Variants in PCDHAC1 observed in about 807,000 individuals in gnomAD.
PCDHAC1 encodes the protein protocadherin alpha subfamily C, 1.
Under a neutral mutation model 60.0 loss-of-function variants are expected in PCDHAC1, and 42 were observed. The observed-to-expected ratio is 0.70, with a 90% CI of 0.55 to 0.90. PCDHAC1 has a LOEUF of 0.90. Among genes scored for constraint, PCDHAC1 ranks in the 40% least tolerant of loss-of-function variants. The probability of loss-of-function intolerance (pLI) is 0.00; values close to 1 mark genes in which losing one functional copy is unlikely to be tolerated. For synonymous variants in PCDHAC1, 468 were observed against 499.3 expected, an observed-to-expected ratio of 0.94 and a Z score of 0.84; for missense variants, 1,160 against 1,222.3, an observed-to-expected ratio of 0.95 and a Z score of 0.76.
At chr5:140,978,739 T>C (rs2096820890) in intron 1 of PCDHAC1, among the ~76,000 whole-genome samples, 1 of 152,252 alleles carries the variant, frequency 6.6e-6, no homozygotes, top group Non-Finnish European at 1.5e-5. Context: ...TCTTCCAGGG[T>C]ATCTAATCTG....
chr5:140,934,523 C>T (rs782685676), intron 1 of PCDHAC1, among the ~76,000 whole-genome samples: 15 of 152,236 alleles, frequency 9.9e-5, no homozygotes, highest in South Asian at 8.3e-4. Context: ...GACCACACTT[C>T]GAGAGCTACC....
intron 1 of PCDHAC1, among the ~76,000 whole-genome samples, chr5:140,973,261 C>G (rs1162687249): frequency 6.6e-6 from 1 of 152,156 alleles, no homozygotes; most frequent in African/African-American, 2.4e-5. Flanking sequence ...TCAGTGGCAC[C>G]TACTTTTATT....
chr5:140,961,326 G>T (rs1450202899), intron 1 of PCDHAC1, among the ~76,000 whole-genome samples: 1 of 152,154 alleles, frequency 6.6e-6, no homozygotes, highest in Admixed American at 6.5e-5. Flanking sequence ...TCTGTTTCTT[G>T]AGAGACCAAG....
At chr5:140,971,207 A>C (rs2096463327) in intron 1 of PCDHAC1, among the ~76,000 whole-genome samples, 1 of 152,050 alleles carries the variant, frequency 6.6e-6, no homozygotes, top group South Asian at 2.1e-4. Flanking sequence ...AGACACTGTT[A>C]CCCTCCCTCT....
At chr5:140,941,950 A>C (rs2093203816) in intron 1 of PCDHAC1, among the ~76,000 whole-genome samples, 1 of 152,172 alleles carries the variant, frequency 6.6e-6, no homozygotes, top group Admixed American at 6.5e-5. Context: ...TTTGTTTTGA[A>C]AACAATAGTA....
chr5:140,981,625 C>T (rs1554243036), intron 2 of PCDHAC1, among the ~76,000 whole-genome samples: 2 of 152,096 alleles, frequency 1.3e-5, no homozygotes, highest in Non-Finnish European at 2.9e-5. Context: ...TGAGGGTTTT[C>T]TTGGACATTT....
chr5:141,011,190 T>C lies in PCDHAC1; in HGVS notation c.*1253T>C, dbSNP rs1321258440. On this transcript the variant is annotated 3_prime_UTR_variant, in exon 4 of 4. Coordinates refer to ENST00000253807, the MANE Select transcript of PCDHAC1 (RefSeq NM_018898.5). Reference sequence around the variant, plus strand: ...AAGACCCAAAAATTGAAGAAAAATATTGTTTTCTCATACAGTGAGCAGATT... The same window carrying C: ...AAGACCCAAAAATTGAAGAAAAATACTGTTTTCTCATACAGTGAGCAGATT... The C allele has an allele frequency of 1.3e-5, 2 of 153,748 alleles. No individual in the cohort carries two copies. The highest frequency in any genetic ancestry group is 1.9e-4 in the East Asian group (1 of 5,200). The allele number at this position is 153,748 out of a possible 1,614,324, so 9.5% of individuals were successfully genotyped here. A position where few individuals can be genotyped will look rare whatever the true frequency, so the allele number is the denominator to read the frequency against.
At chr5:140,987,444 C>G (rs2097254283) in intron 3 of PCDHAC1, among the ~76,000 whole-genome samples, 1 of 151,998 alleles carries the variant, frequency 6.6e-6, no homozygotes, top group African/African-American at 2.4e-5. Flanking sequence ...TCCCCATGCC[C>G]GAGAGATAAT....
chr5:140,932,952 T>G (rs2088746376), intron 1 of PCDHAC1, among the ~76,000 whole-genome samples: 1 of 152,008 alleles, frequency 6.6e-6, no homozygotes, highest in Non-Finnish European at 1.5e-5. Flanking sequence ...GAAGGTGGAC[T>G]AAATTGCTGA....
chr5:140,987,043 A>G (rs1406153632), intron 3 of PCDHAC1, among the ~76,000 whole-genome samples: 5 of 151,912 alleles, frequency 3.3e-5, no homozygotes, highest in Non-Finnish European at 7.4e-5. Flanking sequence ...GCGAAACCCC[A>G]TCTCTACTAA....
chr5:140,951,503 A>G (rs1554219922), intron 1 of PCDHAC1, among the ~76,000 whole-genome samples: 1 of 151,992 alleles, frequency 6.6e-6, no homozygotes, highest in African/African-American at 2.4e-5. Flanking sequence ...AGGCAAAAGG[A>G]AAGCGGCTCA....
chr5:140,972,290 C>T (rs1331683497), intron 1 of PCDHAC1, among the ~76,000 whole-genome samples: 1 of 151,820 alleles, frequency 6.6e-6, no homozygotes, highest in African/African-American at 2.4e-5. Flanking sequence ...TAGATGTGCG[C>T]CACCGTGTCT....
chr5:140,926,961 G>A lies in PCDHAC1; in HGVS notation c.69G>A (p.Glu23=). The A allele has an allele frequency of 6.2e-7, 1 of 1,604,688 alleles. No homozygotes were observed. Among genetic ancestry groups the A allele is most frequent in the Non-Finnish European group, 8.5e-7 (1 of 1,173,748 alleles). The change falls in exon 1 of 4, where the codon GAG becomes GAA. Residue 23 remains glutamate, a synonymous_variant. Transcript: ENST00000253807. The part of the protein sequence containing the change: ...VSCGAAAGQL[E]YSVPEETERG... ...GCGGCGCTGCAGCGGGACAGCTCGA[G>A]TACTCAGTGCCGGAGGAGACGGAGC...
chr5:140,990,671 C>T (rs2097406151), intron 3 of PCDHAC1, among the ~76,000 whole-genome samples: 2 of 152,176 alleles, frequency 1.3e-5, no homozygotes, highest in South Asian at 4.1e-4. Flanking sequence ...ATTAGATGCA[C>T]ACCAAGCTGC....
In PCDHAC1 at chr5:140,957,188, C is replaced by T. The variant is rs374236292; in HGVS notation, c.2434-21761C>T. On this transcript the variant is annotated intron_variant, in intron 1 of 3. Transcript: ENST00000253807. ...GTATATAAATTGGTTTATTGATGAC[C>T]GATTGGGAATATAAATAGGCACAAA... is the stretch of plus-strand genomic sequence containing the variant. 2.1e-3 allele frequency among the ~76,000 whole-genome samples: 315 copies of T among 151,992 alleles called. 3 individuals carry two copies. The highest frequency in any genetic ancestry group is 7.3e-3 in the African/African-American group (304 of 41,464).
intron 1 of PCDHAC1, chr5:140,967,149 C>A (rs781864120): frequency 1.3e-5 from 21 of 1,610,890 alleles, no homozygotes; most frequent in Non-Finnish European, 1.7e-5. Flanking sequence ...GCGCACAACC[C>A]CGTGGCGGTG....
In PCDHAC1 at chr5:141,010,472, A is replaced by G. The variant is rs2098417397; in HGVS notation, c.*535A>G. ...AGCGGAAGTTATCAGTATGGAGGGG[A>G]AGTGTAAACTTAAAGGGACCAGACT... On this transcript the variant is annotated 3_prime_UTR_variant, in exon 4 of 4. Transcript: ENST00000253807. The G allele has an allele frequency of 1.3e-6, 1 of 762,088 alleles. No homozygotes were observed. Among genetic ancestry groups the G allele is most frequent in the African/African-American group, 1.8e-5 (1 of 56,688 alleles). 47.2% of individuals were successfully genotyped at this position (762,088 alleles called of 1,614,324 possible).
At chr5:140,972,471 G>A (rs1437633114) in intron 1 of PCDHAC1, among the ~76,000 whole-genome samples, 6 of 151,998 alleles carry the variant, frequency 3.9e-5, no homozygotes, top group Non-Finnish European at 8.8e-5. Context: ...TTAAACATCA[G>A]CATTTAACCC....
chr5:140,944,209 A>T (rs1003348568), intron 1 of PCDHAC1, among the ~76,000 whole-genome samples: 5 of 152,298 alleles, frequency 3.3e-5, no homozygotes, highest in Non-Finnish European at 5.9e-5. Flanking sequence ...TTGTTTTTAA[A>T]GAGGGTTTTA....
Sources: allele counts gnomAD v4.1 joint callset (sites outside exome capture counted in the v4.1 genomes callset), GRCh38; gene constraint gnomAD v4.1.1; transcripts MANE v1.5; gene names NCBI Gene and HGNC (gene_info 2026-07-23, HGNC 2026-07-21).